CCDC7: variants seen among roughly 807,000 people sequenced by gnomAD.
The protein encoded by CCDC7 is coiled-coil domain-containing protein 7.
A neutral mutation model predicts 196.9 loss-of-function variants in CCDC7; 183 were observed. The ratio of observed to expected loss-of-function variants is 0.93; its 90% confidence interval spans 0.82 to 1.05. The LOEUF is 1.05. CCDC7 is among the 50% of genes least tolerant of loss of function. The probability of loss-of-function intolerance (pLI) is 0.00; values close to 1 mark genes in which losing one functional copy is unlikely to be tolerated. For missense variants in CCDC7, 1,540 were observed against 1,482.2 expected, an observed-to-expected ratio of 1.04 and a Z score of -0.64; for synonymous variants, 525 against 484.6, an observed-to-expected ratio of 1.08 and a Z score of -1.10.
At chr10:32,647,479 C>CAGCTTGGGTG (rs1554949296) in intron 20 of CCDC7, among the ~76,000 whole-genome samples, 15 of 151,954 alleles carry the variant, frequency 9.9e-5, no homozygotes, top group East Asian at 5.8e-4. Context: ...CACTTTTCTC[C>CAGCTTGGGTG]ACAGCCTTAC....
At chr10:32,649,747 G>C (rs914692633) in intron 20 of CCDC7, among the ~76,000 whole-genome samples, 4 of 152,124 alleles carry the variant, frequency 2.6e-5, no homozygotes, top group African/African-American at 9.7e-5. Context: ...TGACTGAGTT[G>C]ATTCATAGAA....
At chr10:32,876,447 G>A, downstream of CCDC7, 3 of 1,515,926 alleles carry the variant, frequency 2.0e-6, no homozygotes, top group South Asian at 3.4e-5. Flanking sequence ...AGAAATGCAG[G>A]AAAGGAAATT....
At position 32,511,440 on chromosome 10, in the gene CCDC7, T is replaced by C. The variant is rs540387891; in HGVS notation, c.873-6505T>C. ...AGCTTGCCAGCCTTTTTCTTGTCTG[T>C]TATTTCCTTGACTCTGTTCATATAT... is the stretch of plus-strand genomic sequence containing the variant. On this transcript the variant is annotated intron_variant, in intron 9 of 41. Coordinates refer to ENST00000639629, the Ensembl canonical transcript of CCDC7. 2.4e-5 allele frequency: 38 copies of C among 1,608,450 alleles called. No individual in the cohort carries two copies. In the East Asian group the frequency reaches 4.2e-4, roughly 18 times the overall value.
At chr10:32,816,024 G>T (rs2088407104) in intron 31 of CCDC7, among the ~76,000 whole-genome samples, 2 of 152,316 alleles carry the variant, frequency 1.3e-5, no homozygotes, top group African/African-American at 4.8e-5. Context: ...AGTGTGAGCT[G>T]AAGCAGGGTG....
chr10:32,634,031 T>G (rs2065258551), intron 18 of CCDC7, among the ~76,000 whole-genome samples: 1 of 152,114 alleles, frequency 6.6e-6, no homozygotes, highest in Non-Finnish European at 1.5e-5. Context: ...TTTATTTGCT[T>G]TCTGCCTACT....
chr10:32,462,610 T>C, intron 3 of CCDC7, 73 bp from the exon 5 acceptor site: 1 of 1,172,580 alleles, frequency 8.5e-7, no homozygotes, highest in Non-Finnish European at 1.2e-6. Context: ...TGCAAAAGAC[T>C]GAACTAAATA....
intron 20 of CCDC7, among the ~76,000 whole-genome samples, chr10:32,640,479 CTT>C (rs1285115918): frequency 6.6e-6 from 1 of 152,112 alleles, no homozygotes; most frequent in Non-Finnish European, 1.5e-5. Context: ...CAGTCTGTGT[CTT>C]TTAATTGGAG....
rs560014823 is a variant in CCDC7 at position 32,743,793 on chromosome 10, G to A, written c.2905+14336G>A. 3.9e-4 allele frequency among the ~76,000 whole-genome samples: 60 copies of A among 152,126 alleles called. No homozygotes were observed. In the South Asian group the frequency reaches 0.012, roughly 30 times the overall value. On this transcript the variant is annotated intron_variant, in intron 28 of 41. Transcript: ENST00000639629. ...AGAAAATGTGGCACATATACACCAT[G>A]GAATACTATGCAACCATAAAAAGGA...
intron 8 of CCDC7, among the ~76,000 whole-genome samples, chr10:32,475,383 C>T (rs1340120463): frequency 6.6e-6 from 1 of 152,072 alleles, no homozygotes; most frequent in African/African-American, 2.4e-5. Context: ...TATTTTTGTC[C>T]AGTATTTAAG....
intron 29 of CCDC7, among the ~76,000 whole-genome samples, chr10:32,785,089 C>T (rs1031812051): frequency 3.9e-5 from 6 of 152,258 alleles, no homozygotes; most frequent in African/African-American, 1.4e-4. Flanking sequence ...TTGAACATCT[C>T]TACACTATTT....
Position 32,625,444 on chromosome 10 carries a change from TTTA to T in CCDC7, c.1802-8804_1802-8802del, listed in dbSNP as rs372306998. Among the ~76,000 whole-genome samples the T allele has an allele frequency of 7.8e-3, 1,192 of 151,856 alleles. 6 individuals carry two copies. Among genetic ancestry groups the T allele is most frequent in the Middle Eastern group, 0.02 (6 of 294 alleles). Reference sequence around the variant, plus strand: ...ATACTGTTTAAATTTTTAAATTTTATTTATTATTTATTTTATTATACATTGAAA... The same window carrying T: ...ATACTGTTTAAATTTTTAAATTTTATTTATTTATTTTATTATACATTGAAA... On this transcript the variant is annotated intron_variant, in intron 18 of 41. Transcript: ENST00000639629.
chr10:32,849,980 A>C (rs2093483924), intron 39 of CCDC7, among the ~76,000 whole-genome samples: 1 of 152,068 alleles, frequency 6.6e-6, no homozygotes, highest in Non-Finnish European at 1.5e-5. Flanking sequence ...GCTAGTTTCT[A>C]AGTGGGGAGG....
chr10:32,697,570 T>A (rs2077926674), intron 24 of CCDC7, among the ~76,000 whole-genome samples: 1 of 152,182 alleles, frequency 6.6e-6, no homozygotes. Context: ...CCTTGCTCAC[T>A]GCTAGCACAG....
intron 25 of CCDC7, among the ~76,000 whole-genome samples, chr10:32,716,662 G>T (rs1454291645): frequency 2.0e-5 from 3 of 152,168 alleles, no homozygotes; most frequent in Non-Finnish European, 4.4e-5. Flanking sequence ...CAATTCATAT[G>T]CAGAGACACA....
Position 32,736,232 on chromosome 10 carries a change from A to G in CCDC7, c.2905+6775A>G, listed in dbSNP as rs547485831. 7.9e-5 allele frequency among the ~76,000 whole-genome samples: 12 copies of G among 152,254 alleles called. No homozygotes were observed. The South Asian group carries it at 2.1e-3, about 26-fold the overall frequency. ...TTGTGGGAATTTTGATTGCGATTGCATTGAACTGAGTTGAAAAGAACTGAC... is the reference window on the plus strand; with the variant it reads ...TTGTGGGAATTTTGATTGCGATTGCGTTGAACTGAGTTGAAAAGAACTGAC... On this transcript the variant is annotated intron_variant, in intron 28 of 41. Coordinates refer to ENST00000639629, the Ensembl canonical transcript of CCDC7.
intron 31 of CCDC7, among the ~76,000 whole-genome samples, chr10:32,823,766 G>C (rs912916857): frequency 2.0e-5 from 3 of 151,986 alleles, no homozygotes; most frequent in Non-Finnish European, 2.9e-5. Context: ...CTAGATACTA[G>C]TTTCTAAATC....
At chr10:32,637,158 G>C (rs1223242172) in intron 20 of CCDC7, among the ~76,000 whole-genome samples, 1 of 151,972 alleles carries the variant, frequency 6.6e-6, no homozygotes, top group Non-Finnish European at 1.5e-5. Flanking sequence ...GATTGCAAAA[G>C]TTTTCTCCCA....
At chr10:32,602,271 A>G (rs543682420) in intron 18 of CCDC7, among the ~76,000 whole-genome samples, 2 of 151,758 alleles carry the variant, frequency 1.3e-5, no homozygotes, top group South Asian at 2.1e-4. Flanking sequence ...CCCACCAGAA[A>G]GAAGAAACTC....
intron 40 of CCDC7, among the ~76,000 whole-genome samples, chr10:32,852,648 C>A (rs1031899054): frequency 2.0e-5 from 3 of 152,048 alleles, no homozygotes; most frequent in African/African-American, 4.8e-5. Context: ...TTGATTTATT[C>A]TGTGCTCTAA....
Sources: gnomAD v4.1 joint callset for allele counts (sites outside exome capture counted in the v4.1 genomes callset) on GRCh38, gnomAD v4.1.1 for gene constraint, MANE v1.5 for transcripts, NCBI Gene and HGNC (gene_info 2026-07-23, HGNC 2026-07-21) for gene names.